DOCK3: variants seen among roughly 807,000 people sequenced by gnomAD.
The protein encoded by DOCK3 is dedicator of cytokinesis protein 3.
DOCK3 carries 60 observed loss-of-function variants against 265.6 expected under a neutral mutation model. That is an observed-to-expected ratio of 0.23 (90% CI 0.18 to 0.28). The LOEUF (loss-of-function observed/expected upper bound fraction) is 0.28. DOCK3 is among the 10% of genes least tolerant of loss of function. The probability of loss-of-function intolerance (pLI) is 1.00; values close to 1 mark genes in which losing one functional copy is unlikely to be tolerated. For synonymous variants in DOCK3, 881 were observed against 938.0 expected (o/e 0.94, Z 1.11); for missense variants, 1,981 against 2,594.3 (o/e 0.76, Z 5.14).
At chr3:50,777,851 T>C (rs545291361) in intron 1 of DOCK3, among the ~76,000 whole-genome samples, 14 of 152,276 alleles carry the variant, frequency 9.2e-5, no homozygotes, top group African/African-American at 3.4e-4. Flanking sequence ...GATTATATCA[T>C]TGATGAATAG....
intron 9 of DOCK3, 133 bp from the exon 10 acceptor site, chr3:51,146,416 G>C (rs769021266): frequency 1.2e-6 from 1 of 805,024 alleles, no homozygotes; most frequent in Non-Finnish European, 2.0e-6. Flanking sequence ...GCCACTAGAC[G>C]TGTGTTTTTG....
chr3:51,380,145 G>C lies in DOCK3; in HGVS notation c.5521G>C (p.Asp1841His). 1 of 1,613,652 alleles carries C rather than the reference G, an allele frequency of 6.2e-7. No individual in the cohort carries two copies. Among genetic ancestry groups the C allele is most frequent in the Non-Finnish European group, 8.5e-7 (1 of 1,179,746 alleles). ...TGCAGGTCATTACTCCCTACACTTT[G>C]ACGCCTTCCACCACCCTCTGGGTGA... ...AEKGHYSLHFDAFHHPLGDTP... is the reference protein window; with the variant it reads ...AEKGHYSLHFHAFHHPLGDTP... The change falls in exon 52 of 53, where the codon GAC (aspartate) becomes CAC (histidine). Residue 1841 changes from aspartate to histidine, a missense_variant. Transcript: ENST00000266037.
intron 5 of DOCK3, among the ~76,000 whole-genome samples, chr3:50,991,329 G>A (rs901629238): frequency 1.3e-5 from 2 of 152,108 alleles, no homozygotes; most frequent in African/African-American, 2.4e-5. Flanking sequence ...AAGACCCAAT[G>A]GTATGCTGTC....
In DOCK3 at chr3:51,088,951, T is replaced by A. The variant is rs112752975; in HGVS notation, c.550-292T>A. ...GGAGAGGACAGTGGCAAAGCAAAAA[T>A]TTAGTACCAGGCACCGACTTGTGAC... On this transcript the variant is annotated intron_variant, in intron 7 of 52. Coordinates refer to ENST00000266037, the MANE Select transcript of DOCK3 (RefSeq NM_004947.5). Among the ~76,000 whole-genome samples the A allele has an allele frequency of 4.6e-5, 7 of 152,196 alleles. 2 individuals carry two copies. Among genetic ancestry groups the A allele is most frequent in the African/African-American group, 1.7e-4 (7 of 41,522 alleles).
intron 5 of DOCK3, among the ~76,000 whole-genome samples, chr3:50,989,607 C>T (rs1485026983): frequency 6.6e-6 from 1 of 152,194 alleles, no homozygotes; most frequent in Non-Finnish European, 1.5e-5. Context: ...AAAACCCCTG[C>T]AGAGTACCTC....
chr3:50,708,620 G>A (rs2107889507), intron 1 of DOCK3, among the ~76,000 whole-genome samples: 1 of 152,338 alleles, frequency 6.6e-6, no homozygotes, highest in South Asian at 2.1e-4. Context: ...TAATGCCATT[G>A]TGTGGGCTCC....
At chr3:51,316,637 G>T (rs989648204) in intron 32 of DOCK3, among the ~76,000 whole-genome samples, 1 of 152,142 alleles carries the variant, frequency 6.6e-6, no homozygotes, top group Non-Finnish European at 1.5e-5. Flanking sequence ...TTATCTGTTC[G>T]TTTGTTTTAG....
At chr3:51,053,078 G>GATATATACATAT (rs2081055323) in intron 5 of DOCK3, among the ~76,000 whole-genome samples, 1 of 43,788 alleles carries the variant, frequency 2.3e-5, no homozygotes, top group Non-Finnish European at 4.2e-5. Context: ...AAAAGTCAAA[G>GATATATACATAT]ATATATATAT....
chr3:50,915,286 C>T (rs894489062), intron 4 of DOCK3, among the ~76,000 whole-genome samples: 7 of 151,886 alleles, frequency 4.6e-5, no homozygotes, highest in Non-Finnish European at 4.4e-5. Flanking sequence ...CATGAGATGG[C>T]GGGGCTTTGC....
rs538351120 is a variant in DOCK3 at position 51,328,195 on chromosome 3, G to A, written c.3403-1943G>A. On this transcript the variant is annotated intron_variant, in intron 32 of 52. Coordinates refer to ENST00000266037, the MANE Select transcript of DOCK3 (RefSeq NM_004947.5). ...GACCCATTTTGAGAAATATTTAGGC[G>A]CCAGTGGACTGTTGTACCCTGTTTA... Among the ~76,000 whole-genome samples, 7 of 152,216 alleles carry A rather than the reference G, an allele frequency of 4.6e-5. No homozygotes were observed. The East Asian group carries it at 7.7e-4, about 17-fold the overall frequency.
chr3:50,922,624 G>A (rs554370194), intron 4 of DOCK3, among the ~76,000 whole-genome samples: 79 of 152,286 alleles, frequency 5.2e-4, no homozygotes, highest in African/African-American at 1.7e-3. Flanking sequence ...CGTTGCTCAC[G>A]CTGGGAGCTG....
intron 9 of DOCK3, among the ~76,000 whole-genome samples, chr3:51,094,626 T>C (rs1025970262): frequency 2.6e-5 from 4 of 151,910 alleles, no homozygotes; most frequent in Non-Finnish European, 5.9e-5. Context: ...CCTGGATTCA[T>C]TGATTTTTTT....
chr3:50,719,929 G>T (rs745790803), intron 1 of DOCK3: 145 of 544,118 alleles, frequency 2.7e-4, no homozygotes, highest in Non-Finnish European at 3.8e-4. Context: ...TGCAGCCCAA[G>T]GGCGTACCGT....
chr3:50,948,511 C>T (rs886902224), intron 5 of DOCK3, among the ~76,000 whole-genome samples: 4 of 150,974 alleles, frequency 2.6e-5, no homozygotes, highest in African/African-American at 7.3e-5. Context: ...TCAAGAGATC[C>T]TCCCATTTCA....
At chr3:51,084,993 C>G (rs1214627725) in intron 7 of DOCK3, among the ~76,000 whole-genome samples, 1 of 152,068 alleles carries the variant, frequency 6.6e-6, no homozygotes, top group Admixed American at 6.6e-5. Context: ...AAAAAAAATT[C>G]CATGCAAATA....
rs181368763 is a variant in DOCK3 at position 50,830,773 on chromosome 3, A to G, written c.122-10902A>G. Among the ~76,000 whole-genome samples, 19 of 152,334 alleles carry G rather than the reference A, an allele frequency of 1.2e-4. No homozygotes were observed. In the South Asian group the frequency reaches 3.5e-3, roughly 28 times the overall value. On this transcript the variant is annotated intron_variant, in intron 2 of 52. Coordinates refer to ENST00000266037, the MANE Select transcript of DOCK3 (RefSeq NM_004947.5). ...TGGGTGACTGGCAAGGACATTTCAC[A>G]GTCTAAATAAGAATGCGTATTATTT... is the stretch of plus-strand genomic sequence containing the variant.
intron 3 of DOCK3, chr3:50,863,527 G>T (rs960369713): frequency 4.1e-6 from 2 of 488,642 alleles, no homozygotes; most frequent in African/African-American, 2.0e-5. Context: ...TTTTCCAGGG[G>T]TCGATCTTTG....
At chr3:50,841,613 C>T in intron 2 of DOCK3, 62 bp from the exon 3 acceptor site, 1 of 718,336 alleles carries the variant, frequency 1.4e-6, no homozygotes, top group Non-Finnish European at 2.1e-6. Flanking sequence ...TCAAAAAATA[C>T]TATTGTGTCT....
chr3:50,742,604 A>G (rs1271830464), intron 1 of DOCK3, among the ~76,000 whole-genome samples: 36 of 152,274 alleles, frequency 2.4e-4, no homozygotes, highest in East Asian at 5.8e-4. Flanking sequence ...CAGCGATGGA[A>G]GATGAAATGA....
Sources: gnomAD v4.1 joint callset for allele counts (sites outside exome capture counted in the v4.1 genomes callset) on GRCh38, gnomAD v4.1.1 for gene constraint, MANE v1.5 for transcripts, NCBI Gene and HGNC (gene_info 2026-07-23, HGNC 2026-07-21) for gene names.